SLC6A9: variants seen among roughly 807,000 people sequenced by gnomAD.
SLC6A9 encodes the protein sodium- and chloride-dependent glycine transporter 1.
In SLC6A9, 31 loss-of-function variants were observed where a neutral mutation model predicts 70.9. The observed-to-expected ratio is 0.44, with a 90% confidence interval of 0.33 to 0.59. The LOEUF is 0.59. Among genes scored for constraint, SLC6A9 ranks in the 20% least tolerant of loss-of-function variants. SLC6A9 has a pLI of 0.04. For synonymous variants in SLC6A9, 310 were observed against 341.3 expected, an observed-to-expected ratio of 0.91 and a Z score of 1.01; for missense variants, 631 against 845.2, an observed-to-expected ratio of 0.75 and a Z score of 3.14.
At chr1:43,998,635 G>C (rs2085972556) in intron 12 of SLC6A9, among the ~76,000 whole-genome samples, 1 of 152,142 alleles carries the variant, frequency 6.6e-6, no homozygotes, top group Admixed American at 6.6e-5. Flanking sequence ...CCATAGACCT[G>C]AGAGCTCCTG....
chr1:44,012,342 G>A (rs906027687), intron 2 of SLC6A9, among the ~76,000 whole-genome samples: 1 of 152,244 alleles, frequency 6.6e-6, no homozygotes, highest in Non-Finnish European at 1.5e-5. Context: ...TGATGGGTGG[G>A]CACTGCAGCA....
In SLC6A9 at chr1:44,001,145, T is replaced by C; in HGVS notation, c.1335+19A>G. 6.2e-7 allele frequency: 1 copy of C among 1,614,146 alleles called. No homozygotes were observed. ...GTCCTGGCAACTCTGGGCCAGCCCT[T>C]CCCTTACGCAGCTCTTACCTGGCTG... On this transcript the variant is annotated intron_variant, in intron 10 of 13. Coordinates refer to ENST00000372310, the MANE Select transcript of SLC6A9 (RefSeq NM_001024845.3).
intron 4 of SLC6A9, 129 bp downstream of exon 4, chr1:44,009,836 G>A: frequency 1.8e-6 from 2 of 1,122,202 alleles, no homozygotes; most frequent in South Asian, 1.6e-5. Flanking sequence ...CCGTTGATGT[G>A]GGGCTTGGGG....
intron 12 of SLC6A9, among the ~76,000 whole-genome samples, 163 bp from the exon 13 acceptor site, chr1:43,998,188 G>A (rs1353191069): frequency 1.3e-5 from 2 of 152,144 alleles, no homozygotes; most frequent in Non-Finnish European, 2.9e-5. Flanking sequence ...GAAGAAGCAG[G>A]CAGGGCCGGG....
intron 5 of SLC6A9, among the ~76,000 whole-genome samples, chr1:44,007,724 G>A (rs2154305409): frequency 6.6e-6 from 1 of 152,228 alleles, no homozygotes; most frequent in East Asian, 1.9e-4. Flanking sequence ...GCCAGCCTCT[G>A]CTCATCTGGG....
rs1361345451 is a variant in SLC6A9, at chr1:44,013,478, GC to G, written c.31-2597del. On this transcript the variant is annotated intron_variant, in intron 2 of 13. Coordinates refer to ENST00000372310, the MANE Select transcript of SLC6A9 (RefSeq NM_001024845.3). The surrounding 1 kb of genome is among the most constrained non-coding windows in gnomAD (Gnocchi z 5.3). ...CGGGCTGTAACCCAGGGAGGCCACA[GC>G]CCCCGCGACAGGGCTGAACCGGGGT... 6.6e-6 allele frequency among the ~76,000 whole-genome samples: 1 copy of G among 152,226 alleles called. No individual in the cohort carries two copies. The highest frequency in any genetic ancestry group is 1.9e-4 in the East Asian group (1 of 5,200).
Position 44,002,706 on chromosome 1 carries a change from C to T in SLC6A9, c.724-60G>A. The T allele has an allele frequency of 6.2e-7, 1 of 1,606,420 alleles. No homozygotes were observed. Among genetic ancestry groups the T allele is most frequent in the Non-Finnish European group, 8.5e-7 (1 of 1,173,730 alleles). ...TCTCCCCTCCCCTGGGCACCACCACCCTGGCTCCCTAATCACCACCAGCCC... is the reference window on the plus strand; with the variant it reads ...TCTCCCCTCCCCTGGGCACCACCACTCTGGCTCCCTAATCACCACCAGCCC... On this transcript the variant is annotated intron_variant, in intron 6 of 13. Coordinates refer to ENST00000372310, the MANE Select transcript of SLC6A9 (RefSeq NM_001024845.3). This position sits in a 1 kb window ranked among gnomAD's most constrained non-coding sequence, Gnocchi z 5.5.
chr1:44,000,956 C>T lies in SLC6A9; in HGVS notation c.1435G>A (p.Gly479Arg), dbSNP rs1557668170. 8 of 1,601,628 alleles carry T rather than the reference C, an allele frequency of 5.0e-6. No individual in the cohort carries two copies. Among genetic ancestry groups the T allele is most frequent in the South Asian group, 1.1e-5 (1 of 89,232 alleles). Reference sequence around the variant, plus strand: ...GGAGGCCGGAGGCTCGAGTGCTCACCGTAGATGTACATGATGGCCACACAC... The same window carrying T: ...GGAGGCCGGAGGCTCGAGTGCTCACTGTAGATGTACATGATGGCCACACAC... ...IMCVAIMYIY[G>R]HRNYFQDIQM... Residue 479 changes from glycine to arginine, a missense_variant and splice_region_variant, in exon 11 of 14, where the codon GGG becomes AGG. Gly to Arg is a moderately radical substitution (Grantham distance 125). Coordinates refer to ENST00000372310, the MANE Select transcript of SLC6A9 (RefSeq NM_001024845.3).
intron 3 of SLC6A9, chr1:44,010,361 G>A (rs1329510866): frequency 6.6e-6 from 3 of 453,732 alleles, no homozygotes; most frequent in South Asian, 5.1e-5. Context: ...TTAAACAAGC[G>A]ATTTCACAAG....
At chr1:43,999,397 C>G (rs1382950953) in intron 12 of SLC6A9, among the ~76,000 whole-genome samples, 2 of 151,762 alleles carry the variant, frequency 1.3e-5, no homozygotes, top group Admixed American at 1.3e-4. Context: ...GCCAAGGTTG[C>G]CCCTACAGAT....
chr1:44,010,464 G>GGT (rs2086514648), intron 3 of SLC6A9: 4 of 234,480 alleles, frequency 1.7e-5, no homozygotes, highest in South Asian at 7.1e-5. Flanking sequence ...GGCGGGGGGG[G>GGT]GGGGGGGTTA....
At chr1:44,009,787 C>T (rs1189103167) in intron 4 of SLC6A9, among the ~76,000 whole-genome samples, 178 bp downstream of exon 4, 1 of 152,146 alleles carries the variant, frequency 6.6e-6, no homozygotes, top group Non-Finnish European at 1.5e-5. Context: ...GGGTGGCAGC[C>T]AAGTAAACAT....
chr1:44,009,784 AG>A (rs779334484), intron 4 of SLC6A9, among the ~76,000 whole-genome samples, 180 bp downstream of exon 4: 1 of 152,234 alleles, frequency 6.6e-6, no homozygotes, highest in Non-Finnish European at 1.5e-5. Flanking sequence ...GGAGGGTGGC[AG>A]CCAAGTAAAC....
rs973401226 is a variant in SLC6A9, at chr1:44,002,925, G to A, written c.651C>T (p.Leu217=). The part of the protein sequence containing the change: ...IGNFGEVRLP[L]LGCLGVSWLV... ...ACCAGGAGACACCGAGGCAGCCAAG[G>A]AGGGGCAGCCGCACCTCCCCAAAGT... The change falls in exon 6 of 14, where the codon CTC becomes CTT. Residue 217 remains leucine (L), a synonymous_variant. Coordinates refer to ENST00000372310, the MANE Select transcript of SLC6A9 (RefSeq NM_001024845.3). The surrounding 1 kb of genome is among the most constrained non-coding windows in gnomAD (Gnocchi z 5.5). 7 of 1,613,944 alleles carry A rather than the reference G, an allele frequency of 4.3e-6. No individual in the cohort carries two copies. The African/African-American group carries it at 6.7e-5, about 15-fold the overall frequency.
chr1:44,005,199 G>T (rs578126377), intron 5 of SLC6A9, among the ~76,000 whole-genome samples: 1 of 152,296 alleles, frequency 6.6e-6, no homozygotes, highest in Admixed American at 6.5e-5. Context: ...TGGGGGACAG[G>T]AGCTGGGCCC....
At chr1:44,025,880 T>A (rs1041770907) in intron 1 of SLC6A9, among the ~76,000 whole-genome samples, 19 of 151,564 alleles carry the variant, frequency 1.3e-4, no homozygotes, top group African/African-American at 4.6e-4. Context: ...CTTTCTTGCC[T>A]TCCCAGGGAG....
chr1:44,030,118 C>T (rs1033329577), intron 1 of SLC6A9, among the ~76,000 whole-genome samples: 1 of 152,028 alleles, frequency 6.6e-6, no homozygotes, highest in East Asian at 1.9e-4. Context: ...AAGTATCCGC[C>T]GGCCCGAGGC....
intron 1 of SLC6A9, among the ~76,000 whole-genome samples, chr1:44,024,918 A>G (rs1419639601): frequency 2.0e-5 from 3 of 152,202 alleles, no homozygotes; most frequent in Non-Finnish European, 4.4e-5. Context: ...ACAGCAGTTC[A>G]CCAGGTGAAA....
rs1491096587 is a variant in SLC6A9 at position 44,017,408 on chromosome 1, C to CAG, written c.31-6528_31-6527dup. 1.5e-5 allele frequency: 14 copies of CAG among 958,286 alleles called. No homozygotes were observed. The African/African-American group carries it at 2.6e-4, about 18-fold the overall frequency. The allele number at this position is 958,286 out of a possible 1,614,324, so 59.4% of individuals were successfully genotyped here. A position where few individuals can be genotyped will look rare whatever the true frequency, so the allele number is the denominator to read the frequency against. On this transcript the variant is annotated intron_variant, in intron 2 of 13. Transcript: ENST00000372310. ...ACACACACACACACACACACACACA[C>CAG]AGACTGGGGCAGAGCAGGCGAGAGG...
Sources: allele counts gnomAD v4.1 joint callset (sites outside exome capture counted in the v4.1 genomes callset), GRCh38; gene constraint gnomAD v4.1.1; non-coding constraint Gnocchi (gnomAD v3.1); transcripts MANE v1.5; gene names NCBI Gene and HGNC (gene_info 2026-07-23, HGNC 2026-07-21).